The following ITGA2 variants were observed in gnomAD, a reference collection of about 807,000 sequenced individuals.
ITGA2 encodes the protein integrin subunit alpha 2.
In ITGA2, 101 loss-of-function variants were observed where a neutral mutation model predicts 146.3. The observed-to-expected ratio is 0.69, with a 90% CI of 0.59 to 0.81. The LOEUF (loss-of-function observed/expected upper bound fraction) is 0.81. ITGA2 is among the 40% of genes least tolerant of loss of function. The pLI, the probability that ITGA2 is intolerant of heterozygous loss-of-function variation, is 0.00. For missense variants in ITGA2, 1,281 were observed against 1,402.7 expected, an observed-to-expected ratio of 0.91 and a Z score of 1.39; for synonymous variants, 477 against 487.1, an observed-to-expected ratio of 0.98 and a Z score of 0.27.
In ITGA2 at chr5:52,997,883, A is replaced by G. The variant is rs538945784; in HGVS notation, c.64+8351A>G. Among the ~76,000 whole-genome samples the G allele has an allele frequency of 3.9e-5, 6 of 152,166 alleles. No individual in the cohort carries two copies. The South Asian group carries it at 6.2e-4, about 16-fold the overall frequency. ...TTCAAAATAATTGACTTAGTGTTCT[A>G]TGGTGGAAGAGGGGAAGGAAAAACT... On this transcript the variant is annotated intron_variant, in intron 1 of 29. Coordinates refer to ENST00000296585, the MANE Select transcript of ITGA2 (RefSeq NM_002203.4).
intron 1 of ITGA2, among the ~76,000 whole-genome samples, chr5:53,025,453 G>A (rs966446754): frequency 2.0e-5 from 3 of 152,162 alleles, no homozygotes; most frequent in African/African-American, 4.8e-5. Context: ...GAAATAAAAA[G>A]CTGAATTCCT....
rs371181593 is a variant in ITGA2 at position 53,065,078 on chromosome 5, A to G, written c.1769A>G (p.Asn590Ser). Residue 590 changes from asparagine (N) to serine (S), a missense_variant, in exon 14 of 30, where the codon AAT becomes AGT. Asn to Ser is a conservative substitution (Grantham distance 46). Coordinates refer to ENST00000296585, the MANE Select transcript of ITGA2 (RefSeq NM_002203.4). ...NQNSGAVYIY[N>S]GHQGTIRTKY... is the part of the protein sequence containing the mutation. Reference sequence around the variant, plus strand: ...AATTCTGGAGCTGTATACATTTACAATGGTCATCAGGGCACTATCCGCACA... The same window carrying G: ...AATTCTGGAGCTGTATACATTTACAGTGGTCATCAGGGCACTATCCGCACA... 8 of 1,612,734 alleles carry G rather than the reference A, an allele frequency of 5.0e-6. No homozygotes were observed. The highest frequency in any genetic ancestry group is 1.1e-5 in the South Asian group (1 of 91,074).
chr5:53,021,172 T>C (rs1454587975), intron 1 of ITGA2, among the ~76,000 whole-genome samples: 1 of 152,204 alleles, frequency 6.6e-6, no homozygotes, highest in East Asian at 1.9e-4. Flanking sequence ...ATTGCTGTTT[T>C]TTTAATGGCA....
chr5:53,032,061 G>C (rs368836239), intron 2 of ITGA2, among the ~76,000 whole-genome samples: 1 of 152,120 alleles, frequency 6.6e-6, no homozygotes, highest in Non-Finnish European at 1.5e-5. Context: ...CTGGGAATTA[G>C]GGTATTTCCA....
rs35178651 is a variant in ITGA2 at position 53,080,385 on chromosome 5, C to G, written c.2929-126C>G. 6,770 of 765,808 alleles carry G rather than the reference C, an allele frequency of 8.8e-3. 58 individuals are homozygous for G. The highest frequency in any genetic ancestry group is 0.013 in the Middle Eastern group (53 of 4,228). The allele number at this position is 765,808 out of a possible 1,614,324, so 47.4% of individuals were successfully genotyped here. A position where few individuals can be genotyped will look rare whatever the true frequency, so the allele number is the denominator to read the frequency against. ...CTGAAGTGTGACTATAAAGTAATGGCTGACTTTCATTTGGACTCAGTCTTA... is the reference window on the plus strand; with the variant it reads ...CTGAAGTGTGACTATAAAGTAATGGGTGACTTTCATTTGGACTCAGTCTTA... On this transcript the variant is annotated intron_variant, in intron 24 of 29. Transcript: ENST00000296585.
intron 28 of ITGA2, among the ~76,000 whole-genome samples, chr5:53,087,661 T>C (rs995740785): frequency 6.6e-6 from 1 of 151,338 alleles, no homozygotes; most frequent in African/African-American, 2.4e-5. Context: ...AGAAATGTAC[T>C]TTCACAGAAA....
rs1437798173 is a variant in ITGA2 at position 53,045,103 on chromosome 5, A to T, written c.387+11A>T. 1.4e-5 allele frequency: 22 copies of T among 1,593,626 alleles called. No homozygotes were observed. The highest frequency in any genetic ancestry group is 1.9e-5 in the Non-Finnish European group (22 of 1,161,358). On this transcript the variant is annotated intron_variant, in intron 4 of 29. Transcript: ENST00000296585. ...ACTGGAGGTTTTCTCGTGAGTGTTT[A>T]CTTTACAAATCATTATTCCTCTCAA...
intron 7 of ITGA2, among the ~76,000 whole-genome samples, chr5:53,052,960 A>G (rs1744447798): frequency 1.3e-5 from 2 of 152,114 alleles, no homozygotes. Context: ...GCTGATGATG[A>G]ATATTTTTAT....
At chr5:53,048,605 C>A (rs1230504725) in intron 5 of ITGA2, 38 bp from the exon 6 acceptor site, 11 of 1,613,856 alleles carry the variant, frequency 6.8e-6, no homozygotes, top group Non-Finnish European at 9.3e-6. Flanking sequence ...ATATGACTTA[C>A]CTGTGGAAAT....
chr5:52,991,824 T>G (rs1265673004), intron 1 of ITGA2, among the ~76,000 whole-genome samples: 2 of 152,186 alleles, frequency 1.3e-5, no homozygotes, highest in Non-Finnish European at 2.9e-5. Context: ...CATTTCTAAG[T>G]GCTTAATACC....
At chr5:53,060,579 C>G (rs1744857321) in intron 11 of ITGA2, among the ~76,000 whole-genome samples, 1 of 151,984 alleles carries the variant, frequency 6.6e-6, no homozygotes. Context: ...TGCAACACTA[C>G]CTTTTAAATA....
intron 1 of ITGA2, among the ~76,000 whole-genome samples, chr5:53,006,595 A>C (rs1363605068): frequency 6.6e-6 from 1 of 152,230 alleles, no homozygotes; most frequent in Non-Finnish European, 1.5e-5. Flanking sequence ...GTGTTTATTC[A>C]GTAATTATTA....
chr5:53,087,036 G>A lies in ITGA2; in HGVS notation c.3343G>A (p.Val1115Ile), dbSNP rs1425730068. Residue 1115 changes from valine (V) to isoleucine (I), a missense_variant, in exon 28 of 30, where the codon GTT becomes ATT. Around this residue, in one of 3 missense-constraint regions of ITGA2, gnomAD observed 475 missense variants for 530.5 expected, o/e 0.90. Transcript: ENST00000296585. ...PEIYVIEDNTVTIPLMIMKPD... is the reference protein window; with the variant it reads ...PEIYVIEDNTITIPLMIMKPD... ...GATATATGTGATTGAAGATAACACTGTTACGGTGAGCATATCACACCCTTC... is the reference window on the plus strand; with the variant it reads ...GATATATGTGATTGAAGATAACACTATTACGGTGAGCATATCACACCCTTC... The A allele has an allele frequency of 5.0e-6, 8 of 1,609,604 alleles. No individual in the cohort carries two copies. Among genetic ancestry groups the A allele is most frequent in the African/African-American group, 4.0e-5 (3 of 74,796 alleles).
intron 1 of ITGA2, among the ~76,000 whole-genome samples, chr5:52,989,859 C>T (rs1296543673): frequency 6.6e-6 from 1 of 151,848 alleles, no homozygotes; most frequent in East Asian, 1.9e-4. Flanking sequence ...CGCACTCAAG[C>T]ATGGACAGTG....
Position 53,080,586 on chromosome 5 carries a change from C to T in ITGA2, c.3004C>T (p.Pro1002Ser). ...CCCTCAGTATACCAAAGAAAAGAAC[C>T]CACTGATGTACCTAACTGGGGTGCA... The part of the protein sequence containing the change: ...HIPQYTKEKN[P>S]LMYLTGVQTD... Residue 1002 changes from proline to serine, a missense_variant, in exon 25 of 30, where the codon CCA (proline) becomes TCA (serine). Physicochemically the swap from Pro to Ser is moderately conservative, Grantham distance 74. Coordinates refer to ENST00000296585, the MANE Select transcript of ITGA2 (RefSeq NM_002203.4). The T allele has an allele frequency of 6.2e-7, 1 of 1,613,362 alleles. No homozygotes were observed. The highest frequency in any genetic ancestry group is 2.2e-5 in the East Asian group (1 of 44,850).
chr5:53,031,749 C>T (rs1442671749), intron 2 of ITGA2, among the ~76,000 whole-genome samples: 3 of 152,156 alleles, frequency 2.0e-5, no homozygotes, highest in African/African-American at 4.8e-5. Flanking sequence ...AAGTAGAGTA[C>T]CTGGGCAGCC....
chr5:53,024,073 A>G (rs1001165590), intron 1 of ITGA2, among the ~76,000 whole-genome samples: 4 of 152,166 alleles, frequency 2.6e-5, no homozygotes, highest in Non-Finnish European at 5.9e-5. Context: ...TCTGGACAAT[A>G]AAGTTGAGAG....
intron 16 of ITGA2, among the ~76,000 whole-genome samples, chr5:53,069,327 CAG>C (rs937435329): frequency 2.0e-5 from 3 of 151,750 alleles, no homozygotes; most frequent in African/African-American, 7.3e-5. Flanking sequence ...TATTAGGAAA[CAG>C]AGGTTCAAAG....
chr5:53,048,506 G>A (rs1744198571), intron 5 of ITGA2, 29 bp downstream of exon 5: 1 of 1,610,090 alleles, frequency 6.2e-7, no homozygotes, highest in Non-Finnish European at 8.5e-7. Flanking sequence ...GATGGTCTGA[G>A]CAATGCCTTA....
Sources: gnomAD v4.1 joint callset for allele counts (sites outside exome capture counted in the v4.1 genomes callset) on GRCh38, gnomAD v4.1.1 for gene constraint, gnomAD v4.1.1 regional missense constraint, MANE v1.5 for transcripts, NCBI Gene and HGNC (gene_info 2026-07-23, HGNC 2026-07-21) for gene names.